NCALD: variants seen among roughly 807,000 people sequenced by gnomAD.
NCALD encodes neurocalcin delta, also known as neurocalcin-delta.
In NCALD, 10 loss-of-function variants were observed where a neutral mutation model predicts 18.6. That is an observed-to-expected ratio of 0.54 (90% CI 0.33 to 0.91). The LOEUF is 0.91. Ranked by LOEUF, NCALD falls within the 40% of genes least tolerant of loss-of-function variation. The pLI, the probability that NCALD is intolerant of heterozygous loss-of-function variation, is 0.03. For missense variants in NCALD, 184 were observed against 247.6 expected (o/e 0.74, Z 1.72); for synonymous variants, 88 against 87.4 (o/e 1.01, Z -0.04).
In NCALD at chr8:101,790,844, A is replaced by G. The variant is rs1563773506; in HGVS notation, c.-20+18T>C. On this transcript the variant is annotated intron_variant, in intron 1 of 3. Coordinates refer to ENST00000220931, the MANE Select transcript of NCALD (RefSeq NM_032041.3). ...CTATAAAAACATCTAACTATTGTAT[A>G]TAAAGCAAACTAATTACCTCACTCA... The G allele has an allele frequency of 6.6e-6, 1 of 152,236 alleles. No individual in the cohort carries two copies. The highest frequency in any genetic ancestry group is 1.5e-5 in the Non-Finnish European group (1 of 68,046). 9.4% of individuals were successfully genotyped at this position (152,236 alleles called of 1,614,324 possible). A position where few individuals can be genotyped will look rare whatever the true frequency, so the allele number is the denominator to read the frequency against.
intron 4 of NCALD, among the ~76,000 whole-genome samples, chr8:101,847,816 T>C (rs1814930299): frequency 6.6e-6 from 1 of 152,110 alleles, no homozygotes; most frequent in Non-Finnish European, 1.5e-5. Flanking sequence ...TGAGGAGCTG[T>C]TTTGAAAATA....
chr8:101,862,076 T>A (rs777288458), intron 4 of NCALD, among the ~76,000 whole-genome samples: 2 of 152,224 alleles, frequency 1.3e-5, no homozygotes, highest in African/African-American at 4.8e-5. Flanking sequence ...ACAAGACTGT[T>A]GCATTCCATG....
intron 2 of NCALD, among the ~76,000 whole-genome samples, chr8:101,933,604 C>G (rs1020479743): frequency 2.6e-5 from 4 of 152,200 alleles, no homozygotes; most frequent in African/African-American, 9.6e-5. Context: ...TACCTCTCAT[C>G]CTGCAACTGC....
At chr8:101,838,086 A>G (rs1814487966) in intron 4 of NCALD, among the ~76,000 whole-genome samples, 1 of 152,234 alleles carries the variant, frequency 6.6e-6, no homozygotes, top group South Asian at 2.1e-4. Context: ...TATTATTAAT[A>G]CAGTGTATTA....
At chr8:101,984,819 T>C (rs1820744238) in intron 2 of NCALD, among the ~76,000 whole-genome samples, 1 of 152,208 alleles carries the variant, frequency 6.6e-6, no homozygotes, top group African/African-American at 2.4e-5. Flanking sequence ...TGATTGATTC[T>C]GTGCTTCTCC....
intron 1 of NCALD, among the ~76,000 whole-genome samples, chr8:102,042,545 C>T (rs1264248643): frequency 6.6e-6 from 1 of 151,800 alleles, no homozygotes; most frequent in East Asian, 1.9e-4. Flanking sequence ...CAGAGGATGC[C>T]TGGATGTGTC....
chr8:101,704,403 C>A (rs1254348377), intron 2 of NCALD, among the ~76,000 whole-genome samples: 5 of 152,118 alleles, frequency 3.3e-5, no homozygotes, highest in African/African-American at 9.7e-5. Flanking sequence ...GACACCTCCA[C>A]TGAGTGAGAG....
chr8:102,056,714 T>A (rs1823664012), intron 1 of NCALD, among the ~76,000 whole-genome samples: 1 of 152,238 alleles, frequency 6.6e-6, no homozygotes, highest in Admixed American at 6.5e-5. Flanking sequence ...ATCCAGTTGA[T>A]GAGACTTAAA....
At chr8:102,019,540 A>T (rs887626250) in intron 2 of NCALD, among the ~76,000 whole-genome samples, 1 of 152,180 alleles carries the variant, frequency 6.6e-6, no homozygotes, top group Non-Finnish European at 1.5e-5. Context: ...TTCTTTCCTC[A>T]AAGAAAACAT....
intron 3 of NCALD, among the ~76,000 whole-genome samples, chr8:101,909,873 A>AG (rs200674797): frequency 0.01 from 1,561 of 152,324 alleles, 16 homozygotes; most frequent in Middle Eastern, 0.037. Context: ...GTTCCTAGAC[A>AG]GGGTAGACCC....
intron 4 of NCALD, among the ~76,000 whole-genome samples, chr8:101,799,807 G>A (rs1187248369): frequency 6.6e-6 from 1 of 152,120 alleles, no homozygotes; most frequent in African/African-American, 2.4e-5. Context: ...GGCTATAAAG[G>A]GTGGCAAGTA....
chr8:102,098,228 T>C (rs955834731), intron 1 of NCALD, among the ~76,000 whole-genome samples: 10 of 128 alleles, frequency 0.078, no homozygotes, highest in Non-Finnish European at 0.019. Context: ...CTATGTCCCC[T>C]TACCTCTGGC....
At chr8:102,097,369 G>A (rs1411048702) in intron 1 of NCALD, among the ~76,000 whole-genome samples, 1 of 152,206 alleles carries the variant, frequency 6.6e-6, no homozygotes, top group Non-Finnish European at 1.5e-5. Context: ...ACAAGCCTGT[G>A]AGCCAGGGTC....
chr8:101,757,844 C>T (rs1743235428), intron 1 of NCALD, among the ~76,000 whole-genome samples: 2 of 152,140 alleles, frequency 1.3e-5, no homozygotes. Context: ...CTTGTTTGCA[C>T]TACTGTACTC....
chr8:101,871,248 C>A (rs1053351434), intron 4 of NCALD, among the ~76,000 whole-genome samples: 1 of 152,116 alleles, frequency 6.6e-6, no homozygotes, highest in Admixed American at 6.5e-5. Context: ...CCAGTTCCTG[C>A]CCCCTTTTGG....
intron 1 of NCALD, among the ~76,000 whole-genome samples, chr8:102,092,271 C>T (rs566370449): frequency 3.3e-5 from 5 of 152,232 alleles, no homozygotes; most frequent in South Asian, 2.1e-4. Context: ...ATGAATGATC[C>T]ACCCCTTATT....
At chr8:101,942,906 GAAGTT>G (rs555062668) in intron 2 of NCALD, among the ~76,000 whole-genome samples, 22 of 152,246 alleles carry the variant, frequency 1.4e-4, no homozygotes, top group Admixed American at 3.9e-4. Flanking sequence ...TAAAGATGAA[GAAGTT>G]AAGAGCCAGC....
At chr8:101,900,747 T>C (rs1435841020) in intron 3 of NCALD, among the ~76,000 whole-genome samples, 29 of 152,024 alleles carry the variant, frequency 1.9e-4, no homozygotes. Context: ...CTTTTAAATT[T>C]GTTGAGGTTT....
intron 1 of NCALD, among the ~76,000 whole-genome samples, chr8:102,032,203 G>A (rs1473143886): frequency 6.6e-6 from 1 of 152,148 alleles, no homozygotes. Flanking sequence ...AGATGGGTCT[G>A]TAGCAAGTCC....
Sources: allele counts gnomAD v4.1 joint callset (sites outside exome capture counted in the v4.1 genomes callset), GRCh38; gene constraint gnomAD v4.1.1; transcripts MANE v1.5; gene names NCBI Gene and HGNC (gene_info 2026-07-23, HGNC 2026-07-21).